The following INPP5D variants were observed in gnomAD, a reference collection of about 807,000 sequenced individuals.
INPP5D encodes phosphatidylinositol 3,4,5-trisphosphate 5-phosphatase 1.
INPP5D carries 33 observed loss-of-function variants against 122.9 expected under a neutral mutation model. The observed-to-expected ratio is 0.27, with a 90% confidence interval of 0.20 to 0.36. The LOEUF is 0.36. INPP5D is among the 10% of genes least tolerant of loss of function. The probability of loss-of-function intolerance (pLI) is 1.00; values close to 1 mark genes in which losing one functional copy is unlikely to be tolerated. For synonymous variants in INPP5D, 584 were observed against 576.2 expected, an observed-to-expected ratio of 1.01 and a Z score of -0.19; for missense variants, 1,053 against 1,412.7, an observed-to-expected ratio of 0.75 and a Z score of 4.08.
chr2:233,144,458 G>T (rs1446795816), intron 6 of INPP5D, among the ~76,000 whole-genome samples: 5 of 149,202 alleles, frequency 3.4e-5, no homozygotes, highest in African/African-American at 1.2e-4. Flanking sequence ...GGTAGTGATG[G>T]TGATGGTGGA....
At chr2:233,162,636 A>C (rs1694226581) in intron 11 of INPP5D, among the ~76,000 whole-genome samples, 1 of 152,206 alleles carries the variant, frequency 6.6e-6, no homozygotes, top group Non-Finnish European at 1.5e-5. Context: ...TCTAAAAACT[A>C]CCAGTTTATC....
At chr2:233,086,367 T>C (rs1200690574) in intron 2 of INPP5D, among the ~76,000 whole-genome samples, 1 of 151,988 alleles carries the variant, frequency 6.6e-6, no homozygotes, top group East Asian at 1.9e-4. Flanking sequence ...TTAGAAGAGA[T>C]GGGACTTCAC....
Position 233,079,489 on chromosome 2 carries a change from G to A in INPP5D, c.198+91G>A, listed in dbSNP as rs79898355. The A allele has an allele frequency of 2.0e-3, 1,710 of 850,794 alleles. 21 individuals carry two copies. In the African/African-American group the frequency reaches 0.023, roughly 11 times the overall value. 52.7% of individuals were successfully genotyped at this position (850,794 alleles called of 1,614,324 possible). A position where few individuals can be genotyped will look rare whatever the true frequency, so the allele number is the denominator to read the frequency against. On this transcript the variant is annotated intron_variant, in intron 2 of 26. Coordinates refer to ENST00000445964, the MANE Select transcript of INPP5D (RefSeq NM_001017915.3). ...AAACGATGAGGAAGGAAGTGCACGCGCAGGTAGCCGGACGTGAAGGCCTGG... is the reference window on the plus strand; with the variant it reads ...AAACGATGAGGAAGGAAGTGCACGCACAGGTAGCCGGACGTGAAGGCCTGG...
chr2:233,142,756 T>G (rs1693658126), intron 6 of INPP5D, among the ~76,000 whole-genome samples: 2 of 152,186 alleles, frequency 1.3e-5, no homozygotes, highest in Admixed American at 6.5e-5. Context: ...GTGAAAAAAC[T>G]GGGTCAGCTG....
At chr2:233,148,198 G>A (rs903805731) in intron 9 of INPP5D, among the ~76,000 whole-genome samples, 2 of 152,098 alleles carry the variant, frequency 1.3e-5, no homozygotes, top group Non-Finnish European at 2.9e-5. Context: ...GGCCAGCAGG[G>A]CAGATGAGGC....
chr2:233,117,732 C>T (rs1028822589), intron 2 of INPP5D, among the ~76,000 whole-genome samples: 4 of 152,182 alleles, frequency 2.6e-5, no homozygotes, highest in Non-Finnish European at 5.9e-5. Context: ...CTGGATCGTG[C>T]ACATGAAAAA....
Position 233,196,885 on chromosome 2 carries a change from A to G in INPP5D, c.2694-1210A>G, listed in dbSNP as rs542814277. Among the ~76,000 whole-genome samples, 4 of 152,022 alleles carry G rather than the reference A, an allele frequency of 2.6e-5. No homozygotes were observed. The South Asian group carries it at 8.3e-4, about 32-fold the overall frequency. ...GTACACAGGAATTCTCATCTCTAGC[A>G]CATTCCCTGATCCACTTCCAGCTTC... On this transcript the variant is annotated intron_variant, in intron 24 of 26. Transcript: ENST00000445964.
intron 1 of INPP5D, among the ~76,000 whole-genome samples, chr2:233,075,620 T>C (rs1338314589): frequency 6.6e-6 from 1 of 152,010 alleles, no homozygotes; most frequent in Non-Finnish European, 1.5e-5. Flanking sequence ...TGTGTGTGTA[T>C]ATAGGACCAG....
chr2:233,110,946 A>G lies in INPP5D; in HGVS notation c.199-11161A>G, dbSNP rs553524619. 3.5e-4 allele frequency among the ~76,000 whole-genome samples: 53 copies of G among 152,230 alleles called. 4 individuals are homozygous for G. In the East Asian group the frequency reaches 0.01, roughly 29 times the overall value. On this transcript the variant is annotated intron_variant, in intron 2 of 26. Coordinates refer to ENST00000445964, the MANE Select transcript of INPP5D (RefSeq NM_001017915.3). ...TCTCTTAAAAAAAAAACAACAAAAA[A>G]AAAAAACTGTTGCTTCGACAGTTAT...
At chr2:233,186,294 A>AC (rs1238691080) in intron 21 of INPP5D, among the ~76,000 whole-genome samples, 3 of 151,922 alleles carry the variant, frequency 2.0e-5, no homozygotes, top group Non-Finnish European at 4.4e-5. Flanking sequence ...CAACCCCAAG[A>AC]CCCCGATCCC....
intron 1 of INPP5D, among the ~76,000 whole-genome samples, chr2:233,062,083 C>T (rs1691092953): frequency 6.6e-6 from 1 of 152,228 alleles, no homozygotes; most frequent in Admixed American, 6.5e-5. Context: ...GCTGCCGGGG[C>T]CTTAGAAGGA....
chr2:233,070,189 A>G (rs1040664234), intron 1 of INPP5D, among the ~76,000 whole-genome samples: 1 of 152,164 alleles, frequency 6.6e-6, no homozygotes, highest in Non-Finnish European at 1.5e-5. Flanking sequence ...ATCTACTTGC[A>G]CAAGTTTATA....
At position 233,137,879 on chromosome 2, in the gene INPP5D, T is replaced by TACAC. The variant is rs1693526263; in HGVS notation, c.666-1962_666-1961insCACA. ...ATATATATATATATATATATATATA[T>TACAC]ATATATATATATATATATACACACA... On this transcript the variant is annotated intron_variant, in intron 5 of 26. Transcript: ENST00000445964. Among the ~76,000 whole-genome samples the TACAC allele has an allele frequency of 8.9e-5, 5 of 56,250 alleles. 1 individual carries two copies. Among genetic ancestry groups the TACAC allele is most frequent in the Admixed American group, 2.1e-4 (1 of 4,766 alleles). The allele number at this position is 56,250 out of a possible 152,430, so 36.9% of individuals were successfully genotyped here.
chr2:233,123,788 T>C (rs1217280781), intron 3 of INPP5D, among the ~76,000 whole-genome samples: 1 of 152,138 alleles, frequency 6.6e-6, no homozygotes, highest in Non-Finnish European at 1.5e-5. Context: ...ATGCAGCCAG[T>C]AAAAAGAACG....
chr2:233,062,469 G>A (rs1277203372), intron 1 of INPP5D, among the ~76,000 whole-genome samples: 2 of 152,218 alleles, frequency 1.3e-5, no homozygotes, highest in African/African-American at 4.8e-5. Flanking sequence ...CACCATGCTG[G>A]CTGGGGTCAA....
intron 1 of INPP5D, among the ~76,000 whole-genome samples, chr2:233,075,897 A>G (rs781270758): frequency 7.9e-5 from 12 of 152,258 alleles, no homozygotes; most frequent in Admixed American, 1.3e-4. Context: ...TTACTGTCTA[A>G]GGGGGAAGTA....
chr2:233,157,048 C>G (rs1467068715), intron 9 of INPP5D, among the ~76,000 whole-genome samples: 1 of 152,120 alleles, frequency 6.6e-6, no homozygotes, highest in African/African-American at 2.4e-5. Flanking sequence ...GTTCCAGAGT[C>G]CGGAGGAGAA....
chr2:233,202,216 C>A (rs1199708372), intron 25 of INPP5D, among the ~76,000 whole-genome samples: 2 of 152,204 alleles, frequency 1.3e-5, no homozygotes, highest in African/African-American at 4.8e-5. Context: ...ACTTCTTGCT[C>A]CTTCATCTGA....
At chr2:233,127,653 G>C (rs1040411259) in intron 4 of INPP5D, among the ~76,000 whole-genome samples, 1 of 152,166 alleles carries the variant, frequency 6.6e-6, no homozygotes, top group Non-Finnish European at 1.5e-5. Flanking sequence ...TTGTTGCCCA[G>C]GCTGGAGTGC....
Sources: allele counts gnomAD v4.1 joint callset (sites outside exome capture counted in the v4.1 genomes callset), GRCh38; gene constraint gnomAD v4.1.1; transcripts MANE v1.5; gene names NCBI Gene and HGNC (gene_info 2026-07-23, HGNC 2026-07-21).